The following SUPT16H variants were observed in gnomAD, a reference collection of about 807,000 sequenced individuals.
SUPT16H encodes SPT16 homolog, facilitates chromatin remodeling subunit.
A neutral mutation model predicts 136.2 loss-of-function variants in SUPT16H; 24 were observed. The observed-to-expected ratio is 0.18, with a 90% CI of 0.13 to 0.25. The LOEUF is 0.25. SUPT16H is among the 10% of genes least tolerant of loss of function. The probability of loss-of-function intolerance (pLI) is 1.00; values close to 1 mark genes in which losing one functional copy is unlikely to be tolerated. For missense variants in SUPT16H, 623 were observed against 1,270.2 expected (o/e 0.49, Z 7.74); for synonymous variants, 415 against 428.2 (o/e 0.97, Z 0.38).
At chr14:21,366,037 G>C (rs1045644259) in intron 8 of SUPT16H, among the ~76,000 whole-genome samples, 3 of 152,186 alleles carry the variant, frequency 2.0e-5, no homozygotes, top group Non-Finnish European at 4.4e-5. Context: ...AGAAGGTCTA[G>C]ACTGCAGTGA....
At chr14:21,362,690 G>T in intron 14 of SUPT16H, 104 bp downstream of exon 14, 1 of 1,293,746 alleles carries the variant, frequency 7.7e-7, no homozygotes, top group Non-Finnish European at 1.1e-6. Flanking sequence ...GAGTCTGAAG[G>T]AGTCAAAAGT....
intron 10 of SUPT16H, among the ~76,000 whole-genome samples, chr14:21,364,625 A>G (rs1420010603): frequency 6.6e-6 from 1 of 152,234 alleles, no homozygotes. Context: ...TTCAAGCCAC[A>G]ATATGACAAT....
At chr14:21,370,027 A>C in intron 4 of SUPT16H, 131 bp from the exon 5 acceptor site, 1 of 1,125,644 alleles carries the variant, frequency 8.9e-7, no homozygotes, top group African/African-American at 1.6e-5. Context: ...CAGAATATTC[A>C]AACATTCTCT....
At chr14:21,354,960 G>A (rs1345556501) in intron 22 of SUPT16H, 2 of 158,104 alleles carry the variant, frequency 1.3e-5, no homozygotes, top group Non-Finnish European at 2.8e-5. Context: ...ATCTCCTAGA[G>A]CACTAGCCCT....
chr14:21,373,535 T>C lies in SUPT16H; in HGVS notation c.67-105A>G, dbSNP rs942280913. On this transcript the variant is annotated intron_variant, in intron 1 of 25. Coordinates refer to ENST00000216297, the MANE Select transcript of SUPT16H (RefSeq NM_007192.4). ...GGCATAATTTTCTCCTGATAGAAATTTCAAGTTTAAGGTACATGCCTGTTT... is the reference window on the plus strand; with the variant it reads ...GGCATAATTTTCTCCTGATAGAAATCTCAAGTTTAAGGTACATGCCTGTTT... The C allele has an allele frequency of 9.8e-6, 9 of 918,020 alleles. No individual in the cohort carries two copies. In the African/African-American group the frequency reaches 1.5e-4, roughly 15 times the overall value. 56.9% of individuals were successfully genotyped at this position (918,020 alleles called of 1,614,324 possible). A position where few individuals can be genotyped will look rare whatever the true frequency, so the allele number is the denominator to read the frequency against.
chr14:21,364,965 C>G (rs1566387182), intron 9 of SUPT16H, 26 bp from the exon 10 acceptor site: 1 of 1,612,190 alleles, frequency 6.2e-7, no homozygotes, highest in Non-Finnish European at 8.5e-7. Context: ...AAGGATCAGT[C>G]TGTGGCTGTG....
Position 21,358,343 on chromosome 14 carries a change from C to G in SUPT16H, c.2386G>C (p.Glu796Gln), listed in dbSNP as rs1886479135. The G allele has an allele frequency of 1.9e-6, 3 of 1,612,956 alleles. No individual in the cohort carries two copies. Among genetic ancestry groups the G allele is most frequent in the African/African-American group, 2.7e-5 (2 of 74,876 alleles). The stretch of plus-strand genomic sequence containing the variant: ...AAGTCCCTAAAAGGCACTTCAAATT[C>G]CAGTTCCTCCTTAGTTAGAGCCTCT... ...KVEALTKEEL[E>Q]FEVPFRDLGF... Residue 796 changes from glutamate to glutamine, a missense_variant, in exon 20 of 26, where the codon GAA becomes CAA. By Grantham distance (29) the Glu-to-Gln change is conservative. Transcript: ENST00000216297.
At chr14:21,368,514 T>C (rs886267332) in intron 6 of SUPT16H, 73 bp from the exon 7 acceptor site, 42 of 1,446,114 alleles carry the variant, frequency 2.9e-5, no homozygotes, top group Non-Finnish European at 3.9e-5. Flanking sequence ...TGGGACACGG[T>C]ATCAATAATC....
chr14:21,369,697 G>T (rs1594305923), intron 5 of SUPT16H, 53 bp downstream of exon 5: 6 of 1,602,336 alleles, frequency 3.7e-6, no homozygotes, highest in South Asian at 1.1e-5. Flanking sequence ...TTGCATGGTA[G>T]ACTTATTACT....
chr14:21,383,661 A>C, intron 1 of SUPT16H: 1 of 719,392 alleles, frequency 1.4e-6, no homozygotes, highest in Non-Finnish European at 2.5e-6. Flanking sequence ...TGATGGCCGC[A>C]GGACAGGGTG....
Position 21,352,532 on chromosome 14 carries a change from A to T in SUPT16H, c.*141T>A. On this transcript the variant is annotated 3_prime_UTR_variant, in exon 26 of 26. Coordinates refer to ENST00000216297, the MANE Select transcript of SUPT16H (RefSeq NM_007192.4). ...TGGAATTCCCCGAGTAGATTGGTCC[A>T]CACAAATGGCCCCCTAAACCCATAA... 7.3e-7 allele frequency: 1 copy of T among 1,379,004 alleles called. No homozygotes were observed. Among genetic ancestry groups the T allele is most frequent in the Non-Finnish European group, 9.9e-7 (1 of 1,011,474 alleles). 85.4% of individuals were successfully genotyped at this position (1,379,004 alleles called of 1,614,324 possible).
intron 1 of SUPT16H, among the ~76,000 whole-genome samples, chr14:21,376,604 C>A (rs1886907021): frequency 6.6e-6 from 1 of 152,056 alleles, no homozygotes. Flanking sequence ...ACCATTAGTT[C>A]TCACCAATAG....
Position 21,369,746 on chromosome 14 carries a change from T to C in SUPT16H, c.630+4A>G. Reference sequence around the variant, plus strand: ...AGTAAAAAGACCCTCTCATCTCCATTTACCTCATCTGCATCAACTATTTCC... The same window carrying C: ...AGTAAAAAGACCCTCTCATCTCCATCTACCTCATCTGCATCAACTATTTCC... On this transcript the variant is annotated splice_donor_region_variant and intron_variant, in intron 5 of 25. Coordinates refer to ENST00000216297, the MANE Select transcript of SUPT16H (RefSeq NM_007192.4). 6.2e-7 allele frequency: 1 copy of C among 1,614,102 alleles called. No homozygotes were observed. The highest frequency in any genetic ancestry group is 8.5e-7 in the Non-Finnish European group (1 of 1,180,004).
In SUPT16H at chr14:21,384,010, G is replaced by T; in HGVS notation, c.-83C>A. ...CACCCGCTCTCGGCCCAGGAATCCC[G>T]CACTCTCCCAATGACCCGGAAGTAT... On this transcript the variant is annotated 5_prime_UTR_variant, in exon 1 of 26. Transcript: ENST00000216297. 6.6e-7 allele frequency: 1 copy of T among 1,512,038 alleles called. No individual in the cohort carries two copies. Among genetic ancestry groups the T allele is most frequent in the Non-Finnish European group, 9.2e-7 (1 of 1,089,800 alleles). The allele number at this position is 1,512,038 out of a possible 1,614,324, so 93.7% of individuals were successfully genotyped here.
intron 1 of SUPT16H, 56 bp downstream of exon 1, chr14:21,383,806 G>A: frequency 1.9e-6 from 3 of 1,598,406 alleles, no homozygotes; most frequent in Non-Finnish European, 2.6e-6. Flanking sequence ...GAGAAACAGG[G>A]TTATTATGGG....
rs1886760502 is a variant in SUPT16H, at chr14:21,370,418, A to G, written c.401T>C (p.Ile134Thr). Residue 134 changes from isoleucine to threonine, a missense_variant, in exon 4 of 26, where the codon ATT becomes ACT. Coordinates refer to ENST00000216297, the MANE Select transcript of SUPT16H (RefSeq NM_007192.4). ...AIKESKNGKK[I>T]GVFSKDKFPG... The stretch of plus-strand genomic sequence containing the variant: ...GAATTTGTCTTTGCTGAACACTCCA[A>G]TCTTCTTGCCATTCTTGCTTTCTTT... The G allele has an allele frequency of 6.2e-7, 1 of 1,613,844 alleles. No individual in the cohort carries two copies. Among genetic ancestry groups the G allele is most frequent in the Non-Finnish European group, 8.5e-7 (1 of 1,179,968 alleles).
At chr14:21,371,743 G>C (rs1473815079) in intron 3 of SUPT16H, 131 bp downstream of exon 3, 16 of 1,058,970 alleles carry the variant, frequency 1.5e-5, no homozygotes, top group Non-Finnish European at 5.4e-6. Context: ...AGACGTGACA[G>C]AACTTTGTAA....
intron 1 of SUPT16H, among the ~76,000 whole-genome samples, chr14:21,379,185 C>T (rs1209958579): frequency 6.6e-6 from 1 of 152,022 alleles, no homozygotes; most frequent in Non-Finnish European, 1.5e-5. Flanking sequence ...TCTGTAATCC[C>T]AGCACTTTGG....
chr14:21,377,525 A>T (rs563918961), intron 1 of SUPT16H, among the ~76,000 whole-genome samples: 1 of 152,044 alleles, frequency 6.6e-6, no homozygotes, highest in Non-Finnish European at 1.5e-5. Flanking sequence ...GTGAGGGCAA[A>T]CTAGCACTTT....
Sources: gnomAD v4.1 joint callset for allele counts (sites outside exome capture counted in the v4.1 genomes callset) on GRCh38, gnomAD v4.1.1 for gene constraint, MANE v1.5 for transcripts, NCBI Gene and HGNC (gene_info 2026-07-23, HGNC 2026-07-21) for gene names.